NAV3: variants seen among roughly 807,000 people sequenced by gnomAD.
NAV3 encodes the protein neuron navigator 3.
A neutral mutation model predicts 244.7 loss-of-function variants in NAV3; 87 were observed. That is an observed-to-expected ratio of 0.36 (90% CI 0.30 to 0.42). NAV3 has a LOEUF of 0.42. Among genes scored for constraint, NAV3 ranks in the 20% least tolerant of loss-of-function variants. The pLI is 1.00. For missense variants in NAV3, 2,663 were observed against 2,893.3 expected, an observed-to-expected ratio of 0.92 and a Z score of 1.83; for synonymous variants, 1,126 against 1,042.2, an observed-to-expected ratio of 1.08 and a Z score of -1.55.
intron 12 of NAV3, among the ~76,000 whole-genome samples, chr12:78,084,772 G>T (rs550194471): frequency 2.0e-5 from 3 of 152,092 alleles, no homozygotes; most frequent in Non-Finnish European, 2.9e-5. Context: ...ATTAAGGTTA[G>T]CAATGGCTTT....
At chr12:78,157,376 A>T (rs903625577) in intron 22 of NAV3, among the ~76,000 whole-genome samples, 2 of 148,978 alleles carry the variant, frequency 1.3e-5, no homozygotes, top group Non-Finnish European at 3.0e-5. Flanking sequence ...AGGGTGAGGC[A>T]CTGTCTCTAC....
chr12:77,949,431 C>T (rs993516835), intron 3 of NAV3, among the ~76,000 whole-genome samples: 8 of 152,124 alleles, frequency 5.3e-5, no homozygotes, highest in African/African-American at 1.9e-4. Context: ...GACTTATTAA[C>T]AAATAAATTT....
intron 2 of NAV3, among the ~76,000 whole-genome samples, chr12:77,758,279 GA>G (rs1451055675): frequency 1.2e-4 from 18 of 151,994 alleles, no homozygotes; most frequent in African/African-American, 4.3e-4. Context: ...GTTGTTTACT[GA>G]TTTATGCATT....
intron 1 of NAV3, among the ~76,000 whole-genome samples, chr12:77,857,967 A>T (rs528043171): frequency 6.6e-6 from 1 of 152,072 alleles, no homozygotes; most frequent in Non-Finnish European, 1.5e-5. Flanking sequence ...AAGGAAATTC[A>T]TTTCGAGTAC....
At position 77,618,620 on chromosome 12, in the gene NAV3, G is replaced by A. The variant is rs576904754; in HGVS notation, c.72+46354G>A. Among the ~76,000 whole-genome samples, 8 of 152,172 alleles carry A rather than the reference G, an allele frequency of 5.3e-5. No individual in the cohort carries two copies. The East Asian group carries it at 5.8e-4, about 11-fold the overall frequency. On this transcript the variant is annotated intron_variant, in intron 2 of 8. Coordinates refer to the NAV3 transcript ENST00000550042. ...TAAAATTTTGCAGTGTGTTTAACAC[G>A]TATATATATAATTTCTCATAATATC...
intron 2 of NAV3, among the ~76,000 whole-genome samples, chr12:77,797,117 A>G (rs890667181): frequency 1.3e-5 from 2 of 152,200 alleles, no homozygotes; most frequent in Admixed American, 6.5e-5. Flanking sequence ...TGGGTGTACA[A>G]TGCCTACCAC....
chr12:78,188,536 C>G lies in NAV3; in HGVS notation c.5887-73C>G, dbSNP rs911877522. 35 of 1,435,896 alleles carry G rather than the reference C, an allele frequency of 2.4e-5. 1 individual carries two copies. The Middle Eastern group carries it at 5.4e-4, about 22-fold the overall frequency. The allele number at this position is 1,435,896 out of a possible 1,614,324, so 88.9% of individuals were successfully genotyped here. On this transcript the variant is annotated intron_variant, in intron 32 of 39. Transcript: ENST00000397909. ...ATTCTTGACAACTAGCTCTATATCC[C>G]TGTGAGTTATGTATTTGTTGTAGAT...
chr12:77,839,231 A>C (rs531786735), intron 1 of NAV3, among the ~76,000 whole-genome samples: 1 of 152,354 alleles, frequency 6.6e-6, no homozygotes, highest in African/African-American at 2.4e-5. Flanking sequence ...CAGTTGAGAA[A>C]TGCTGCTTTA....
intron 2 of NAV3, among the ~76,000 whole-genome samples, chr12:77,812,795 G>C (rs527910721): frequency 6.6e-6 from 1 of 152,094 alleles, no homozygotes; most frequent in Non-Finnish European, 1.5e-5. Flanking sequence ...GATTGACACA[G>C]ATATTGTTTA....
intron 1 of NAV3, among the ~76,000 whole-genome samples, chr12:77,909,728 T>C (rs1281946912): frequency 6.6e-6 from 1 of 152,078 alleles, no homozygotes; most frequent in Non-Finnish European, 1.5e-5. Context: ...ATGGATGCTT[T>C]ATATAAAATA....
chr12:77,691,360 TCCATTCTTG>T (rs1875022108), intron 2 of NAV3, among the ~76,000 whole-genome samples: 2 of 134,824 alleles, frequency 1.5e-5, no homozygotes, highest in African/African-American at 5.5e-5. Context: ...TATATACATA[TCCATTCTTG>T]TACTTTTTCT....
At chr12:77,789,638 C>T (rs551411455) in intron 2 of NAV3, among the ~76,000 whole-genome samples, 3 of 151,694 alleles carry the variant, frequency 2.0e-5, no homozygotes, top group East Asian at 1.9e-4. Context: ...GATGAAGCCC[C>T]GTCTCTACTA....
intron 2 of NAV3, among the ~76,000 whole-genome samples, chr12:77,803,624 A>G (rs1318027409): frequency 6.6e-6 from 1 of 152,130 alleles, no homozygotes; most frequent in East Asian, 1.9e-4. Context: ...ATGATTTAAA[A>G]TCCTTTGGGT....
At chr12:77,598,902 G>A (rs1870295858) in intron 2 of NAV3, among the ~76,000 whole-genome samples, 1 of 151,870 alleles carries the variant, frequency 6.6e-6, no homozygotes, top group African/African-American at 2.4e-5. Flanking sequence ...TGCACAATAT[G>A]GTATTGTTAA....
At chr12:77,935,703 T>C (rs1889255275) in intron 1 of NAV3, among the ~76,000 whole-genome samples, 1 of 152,118 alleles carries the variant, frequency 6.6e-6, no homozygotes, top group African/African-American at 2.4e-5. Flanking sequence ...CTGGGTAACT[T>C]GTAAGGAAAA....
At chr12:78,097,642 T>C (rs1954323365) in intron 12 of NAV3, among the ~76,000 whole-genome samples, 1 of 152,204 alleles carries the variant, frequency 6.6e-6, no homozygotes, top group African/African-American at 2.4e-5. Context: ...TTCTTCATGG[T>C]TAATACTTTT....
At chr12:77,589,955 T>A (rs1869830770) in intron 2 of NAV3, among the ~76,000 whole-genome samples, 1 of 152,348 alleles carries the variant, frequency 6.6e-6, no homozygotes, top group South Asian at 2.1e-4. Context: ...AACAGTCTTT[T>A]CCCATAGGGT....
intron 12 of NAV3, among the ~76,000 whole-genome samples, chr12:78,093,034 C>T (rs1466815483): frequency 6.6e-6 from 1 of 152,146 alleles, no homozygotes; most frequent in Non-Finnish European, 1.5e-5. Flanking sequence ...TGGTCAAATC[C>T]TGGTGTACAG....
In NAV3 at chr12:78,153,573, C is replaced by G. The variant is rs1957159138; in HGVS notation, c.4785+4654C>G. On this transcript the variant is annotated intron_variant, in intron 22 of 39. Coordinates refer to ENST00000397909, the MANE Select transcript of NAV3 (RefSeq NM_001024383.2). Reference sequence around the variant, plus strand: ...CGCCCACACCTTAAGGCAGCTGGGTCAGGTGGGATGCTTTTGTTTGTCTTT... The same window carrying G: ...CGCCCACACCTTAAGGCAGCTGGGTGAGGTGGGATGCTTTTGTTTGTCTTT... Among the ~76,000 whole-genome samples, 4 of 152,196 alleles carry G rather than the reference C, an allele frequency of 2.6e-5. No individual in the cohort carries two copies. In the South Asian group the frequency reaches 8.3e-4, roughly 32 times the overall value.
Sources: gnomAD v4.1 joint callset for allele counts (sites outside exome capture counted in the v4.1 genomes callset) on GRCh38, gnomAD v4.1.1 for gene constraint, MANE v1.5 for transcripts, NCBI Gene and HGNC (gene_info 2026-07-23, HGNC 2026-07-21) for gene names.